Variants in COX10 observed in about 807,000 individuals in gnomAD.
COX10 encodes the protein cytochrome c oxidase assembly factor heme A:farnesyltransferase COX10.
A neutral mutation model predicts 37.3 loss-of-function variants in COX10; 27 were observed. The ratio of observed to expected loss-of-function variants is 0.72; its 90% CI spans 0.53 to 1.00. The LOEUF (loss-of-function observed/expected upper bound fraction) is 1.00. Ranked by LOEUF, COX10 falls within the 50% of genes least tolerant of loss-of-function variation. The probability of loss-of-function intolerance (pLI) is 0.00; values close to 1 mark genes in which losing one functional copy is unlikely to be tolerated. For missense variants in COX10, 475 were observed against 563.2 expected, an observed-to-expected ratio of 0.84 and a Z score of 1.59; for synonymous variants, 222 against 229.1, an observed-to-expected ratio of 0.97 and a Z score of 0.28.
At chr17:14,077,773 A>G (rs759914614) in intron 3 of COX10, among the ~76,000 whole-genome samples, 13 of 152,262 alleles carry the variant, frequency 8.5e-5, no homozygotes, top group Admixed American at 3.9e-4. Context: ...ATTCTTCTTA[A>G]ATGAGAATAA....
intron 4 of COX10, among the ~76,000 whole-genome samples, chr17:14,147,756 C>G (rs1904766424): frequency 6.7e-6 from 1 of 148,978 alleles, no homozygotes; most frequent in Admixed American, 6.6e-5. Context: ...ACCCCATGTA[C>G]CTACTACGTA....
intron 3 of COX10, among the ~76,000 whole-genome samples, chr17:14,079,856 ATATG>A (rs59832330): frequency 0.79 from 118,134 of 148,776 alleles, 46,925 homozygotes; most frequent in East Asian, 0.88. Context: ...ATATATATAT[ATATG>A]TATGTATGTA....
chr17:14,116,004 C>T (rs9674996), intron 4 of COX10, among the ~76,000 whole-genome samples: 4,248 of 152,168 alleles, frequency 0.028, 85 homozygotes, highest in Middle Eastern at 0.051. Context: ...ATTTCTACCC[C>T]ATACATTTAT....
At chr17:14,180,123 G>A (rs558011780) in intron 5 of COX10, among the ~76,000 whole-genome samples, 9 of 151,806 alleles carry the variant, frequency 5.9e-5, no homozygotes, top group Admixed American at 2.0e-4. Context: ...CAGGGGAGCT[G>A]TGGATATTAT....
intron 3 of COX10, among the ~76,000 whole-genome samples, chr17:14,089,019 AC>A (rs1447372930): frequency 6.6e-6 from 1 of 152,130 alleles, no homozygotes; most frequent in Non-Finnish European, 1.5e-5. Context: ...CCACGTGGCT[AC>A]CTCCAGCTGC....
At chr17:14,072,394 T>C (rs1255634827) in intron 1 of COX10, among the ~76,000 whole-genome samples, 1 of 152,184 alleles carries the variant, frequency 6.6e-6, no homozygotes, top group Non-Finnish European at 1.5e-5. Flanking sequence ...CTAAGTTTTG[T>C]ATTTTTAGTA....
At chr17:14,084,915 C>T (rs1235971919) in intron 3 of COX10, among the ~76,000 whole-genome samples, 2 of 152,212 alleles carry the variant, frequency 1.3e-5, no homozygotes, top group African/African-American at 4.8e-5. Context: ...CTGCCTCAGC[C>T]TCCCAAAGTG....
At chr17:14,184,445 A>C (rs1007113935) in intron 5 of COX10, among the ~76,000 whole-genome samples, 2 of 152,252 alleles carry the variant, frequency 1.3e-5, no homozygotes, top group African/African-American at 4.8e-5. Context: ...CTTATGAAAA[A>C]TCCCAACAGA....
chr17:14,201,172 G>C (rs945206432), intron 6 of COX10, among the ~76,000 whole-genome samples: 1 of 152,218 alleles, frequency 6.6e-6, no homozygotes, highest in African/African-American at 2.4e-5. Context: ...TGAGGTCTTT[G>C]AATTAGTCAA....
intron 4 of COX10, among the ~76,000 whole-genome samples, chr17:14,123,940 T>A (rs1567596450): frequency 6.6e-6 from 1 of 152,188 alleles, no homozygotes; most frequent in Non-Finnish European, 1.5e-5. Flanking sequence ...AGTATTTTTT[T>A]TTCCTCAGTG....
At chr17:14,141,552 AAAG>A (rs1214927298) in intron 4 of COX10, among the ~76,000 whole-genome samples, 11 of 151,036 alleles carry the variant, frequency 7.3e-5, no homozygotes, top group Non-Finnish European at 1.2e-4. Context: ...AAAAAAAAAA[AAAG>A]AAGACTACCT....
chr17:14,073,071 A>G (rs1048545851), intron 1 of COX10, among the ~76,000 whole-genome samples: 1 of 152,164 alleles, frequency 6.6e-6, no homozygotes, highest in Non-Finnish European at 1.5e-5. Context: ...TTTTCAGTGG[A>G]GGGTCATGGG....
chr17:14,163,236 A>AATTTATTTATTTATTTATTTATTTATTT (rs56320518), intron 5 of COX10, among the ~76,000 whole-genome samples: 3 of 146,462 alleles, frequency 2.0e-5, no homozygotes, highest in East Asian at 2.0e-4. Context: ...AAGACAGGAA[A>AATTTATTTATTTATTTATTTATTTATTT]ATTTATTTAT....
chr17:14,127,010 G>A (rs1012343199), intron 4 of COX10, among the ~76,000 whole-genome samples: 2 of 151,976 alleles, frequency 1.3e-5, no homozygotes, highest in East Asian at 1.9e-4. Context: ...ATAGAATCAC[G>A]AATTTGGTGC....
rs191630437 is a variant in COX10, at chr17:14,189,142, T to C, written c.696-2847T>C. 6.7e-5 allele frequency among the ~76,000 whole-genome samples: 10 copies of C among 148,912 alleles called. No homozygotes were observed. The Admixed American group carries it at 6.8e-4, about 10-fold the overall frequency. ...TGATCCCATTTGTTTAAAATTTCCA[T>C]TGAAAGCCCTGCTCTTGTCTGCAGC... is the stretch of plus-strand genomic sequence containing the variant. On this transcript the variant is annotated intron_variant, in intron 5 of 6. Transcript: ENST00000261643.
chr17:14,172,183 C>T (rs1905490725), intron 5 of COX10, among the ~76,000 whole-genome samples: 1 of 152,114 alleles, frequency 6.6e-6, no homozygotes, highest in Non-Finnish European at 1.5e-5. Context: ...AGACAAAACA[C>T]ATATCTTTGC....
intron 6 of COX10, among the ~76,000 whole-genome samples, chr17:14,194,296 A>T (rs1467279836): frequency 2.6e-5 from 4 of 152,162 alleles, no homozygotes; most frequent in African/African-American, 2.4e-5. Flanking sequence ...TGCAGGCTGG[A>T]GTTGCCTCCC....
At chr17:14,147,324 G>A (rs1052411024) in intron 4 of COX10, among the ~76,000 whole-genome samples, 2 of 152,138 alleles carry the variant, frequency 1.3e-5, no homozygotes, top group Non-Finnish European at 2.9e-5. Flanking sequence ...CCATTAAAAA[G>A]GATGAGATTC....
intron 5 of COX10, among the ~76,000 whole-genome samples, chr17:14,165,245 C>A (rs1207460080): frequency 1.3e-5 from 2 of 152,130 alleles, no homozygotes; most frequent in African/African-American, 4.8e-5. Flanking sequence ...TTCATAGATA[C>A]TACATTTTTT....
Sources: allele counts gnomAD v4.1 joint callset (sites outside exome capture counted in the v4.1 genomes callset), GRCh38; gene constraint gnomAD v4.1.1; transcripts MANE v1.5; gene names NCBI Gene and HGNC (gene_info 2026-07-23, HGNC 2026-07-21).